The following PCDH10 variants were observed in gnomAD, a reference collection of about 807,000 sequenced individuals.
PCDH10 encodes protocadherin 10.
In PCDH10, 15 loss-of-function variants were observed where a neutral mutation model predicts 74.4. The observed-to-expected ratio is 0.20, with a 90% CI of 0.13 to 0.31. The LOEUF is 0.31. Among genes scored for constraint, PCDH10 ranks in the 10% least tolerant of loss-of-function variants. The probability of loss-of-function intolerance (pLI) is 1.00; values close to 1 mark genes in which losing one functional copy is unlikely to be tolerated. For synonymous variants in PCDH10, 619 were observed against 589.8 expected (o/e 1.05, Z -0.72); for missense variants, 1,260 against 1,390.2 (o/e 0.91, Z 1.49).
intron 3 of PCDH10, among the ~76,000 whole-genome samples, chr4:133,156,218 C>T (rs954167069): frequency 6.6e-6 from 1 of 152,232 alleles, no homozygotes. Flanking sequence ...GGCCTGGCAG[C>T]AGTGGTTGCT....
intron 2 of PCDH10, among the ~76,000 whole-genome samples, chr4:133,200,982 A>AAAG (rs57845226): frequency 0.19 from 29,007 of 152,046 alleles, 4,621 homozygotes; most frequent in African/African-American, 0.43. Context: ...CTAAAAAACT[A>AAAG]AAGACAGTTC....
Position 133,188,703 on chromosome 4 carries a change from C to T in PCDH10, c.3104-1438C>T, listed in dbSNP as rs139629493. The stretch of plus-strand genomic sequence containing the variant: ...TTTTTTTTTTTTTGAGATGGAGTTT[C>T]GCTCTTGTCTCACAGGCTGGAGTGC... On this transcript the variant is annotated intron_variant, in intron 4 of 4. Coordinates refer to ENST00000264360, the MANE Select transcript of PCDH10 (RefSeq NM_032961.3). 6.0e-3 allele frequency among the ~76,000 whole-genome samples: 559 copies of T among 92,486 alleles called. 5 individuals carry two copies. The highest frequency in any genetic ancestry group is 0.023 in the African/African-American group (529 of 23,056). 60.7% of individuals were successfully genotyped at this position (92,486 alleles called of 152,430 possible).
chr4:133,161,318 A>G (rs1726965803), intron 3 of PCDH10, among the ~76,000 whole-genome samples: 2 of 152,150 alleles, frequency 1.3e-5, no homozygotes, highest in Non-Finnish European at 2.9e-5. Context: ...ATATATGATA[A>G]GAAGCTTGGT....
At chr4:133,169,693 C>T (rs1218337619) in intron 4 of PCDH10, among the ~76,000 whole-genome samples, 2 of 151,750 alleles carry the variant, frequency 1.3e-5, no homozygotes, top group African/African-American at 4.8e-5. Flanking sequence ...CCTCATCATA[C>T]TGAAGATTTA....
chr4:133,183,081 TCA>T (rs1727449423), intron 4 of PCDH10, among the ~76,000 whole-genome samples: 2 of 152,070 alleles, frequency 1.3e-5, no homozygotes, highest in African/African-American at 2.4e-5. Flanking sequence ...TCAAATCAAT[TCA>T]AATAATAATA....
chr4:133,150,367 A>C lies in PCDH10; in HGVS notation c.227A>C (p.Asn76Thr), dbSNP rs1233112345. ...CTGGAGACAGGGGTGCTGTACGTGA[A>C]CGAGAAAATAGACCGCGAACAAATC... is the stretch of plus-strand genomic sequence containing the variant. ...LNLETGVLYV[N>T]EKIDREQICK... Residue 76 changes from asparagine to threonine, a missense_variant, in exon 1 of 5, where the codon AAC becomes ACC. Asn to Thr is a moderately conservative substitution (Grantham distance 65). This residue lies in a region of PCDH10 where 103 missense variants were observed against 91.5 expected (regional missense o/e 1.13). Transcript: ENST00000264360. The C allele has an allele frequency of 6.2e-7, 1 of 1,613,840 alleles. No individual in the cohort carries two copies. Among genetic ancestry groups the C allele is most frequent in the African/African-American group, 1.3e-5 (1 of 74,872 alleles).
intron 3 of PCDH10, among the ~76,000 whole-genome samples, chr4:133,156,784 T>G (rs1337036336): frequency 2.6e-5 from 4 of 152,160 alleles, no homozygotes; most frequent in Non-Finnish European, 5.9e-5. Flanking sequence ...TCAGACATAA[T>G]GACCCATAAT....
intron 3 of PCDH10, among the ~76,000 whole-genome samples, chr4:133,160,542 G>T (rs1473175548): frequency 6.6e-6 from 1 of 150,600 alleles, no homozygotes; most frequent in Non-Finnish European, 1.5e-5. Flanking sequence ...AAACATACTT[G>T]CCAGATAGGA....
chr4:133,151,876 C>T lies in PCDH10; in HGVS notation c.1736C>T (p.Pro579Leu), dbSNP rs918673608. The T allele has an allele frequency of 6.2e-7, 1 of 1,612,904 alleles. No individual in the cohort carries two copies. Among genetic ancestry groups the T allele is most frequent in the Admixed American group, 1.7e-5 (1 of 60,008 alleles). ...DNAPAIVAPL[P>L]GRNGTPAREV... ...GCCCCTGCCATCGTGGCGCCTCTAC[C>T]AGGGCGCAACGGGACTCCAGCGCGT... is the stretch of plus-strand genomic sequence containing the variant. Residue 579 changes from proline (P) to leucine (L), a missense_variant, in exon 1 of 5, where the codon CCA becomes CTA. Physicochemically the swap from Pro to Leu is moderately conservative, Grantham distance 98. Transcript: ENST00000264360.
chr4:133,177,723 A>T (rs1339479333), intron 4 of PCDH10, among the ~76,000 whole-genome samples: 1 of 152,160 alleles, frequency 6.6e-6, no homozygotes. Flanking sequence ...TTTTTAATCT[A>T]ATATGCTTGT....
intron 3 of PCDH10, among the ~76,000 whole-genome samples, chr4:133,161,964 G>A (rs1237224095): frequency 2.0e-5 from 3 of 152,044 alleles, no homozygotes; most frequent in Non-Finnish European, 4.4e-5. Flanking sequence ...ATATATATCA[G>A]CATTAATATC....
chr4:133,198,124 T>C (rs777634384), downstream of PCDH10, among the ~76,000 whole-genome samples: 36 of 152,242 alleles, frequency 2.4e-4, no homozygotes, highest in Non-Finnish European at 4.0e-4. Context: ...AGTATCAAAA[T>C]GCCTGGTTGG....
At chr4:133,159,747 G>T (rs1018202010) in intron 3 of PCDH10, among the ~76,000 whole-genome samples, 15 of 151,850 alleles carry the variant, frequency 9.9e-5, no homozygotes, top group Admixed American at 2.0e-4. Context: ...CCATAGTAAG[G>T]CATTTGAATG....
chr4:133,162,256 C>T (rs1265551257), intron 3 of PCDH10, among the ~76,000 whole-genome samples: 1 of 152,104 alleles, frequency 6.6e-6, no homozygotes, highest in African/African-American at 2.4e-5. Context: ...TCATTAATTA[C>T]AGTCATTTGT....
chr4:133,156,439 C>G (rs888315906), intron 3 of PCDH10, among the ~76,000 whole-genome samples: 3 of 152,264 alleles, frequency 2.0e-5, no homozygotes, highest in Non-Finnish European at 4.4e-5. Flanking sequence ...AACAGAGCAT[C>G]TATTTAGTGT....
At chr4:133,194,725 G>A (rs1727756365), downstream of PCDH10, 1 of 151,860 alleles carries the variant, frequency 6.6e-6, no homozygotes, top group South Asian at 2.1e-4. Context: ...AGTAATTTTA[G>A]TCTTAATATA....
intron 3 of PCDH10, among the ~76,000 whole-genome samples, chr4:133,162,003 C>T (rs1025145172): frequency 6.6e-6 from 1 of 152,114 alleles, no homozygotes; most frequent in African/African-American, 2.4e-5. Context: ...CTTGAAAATT[C>T]TTATGCTTTG....
Position 133,152,109 on chromosome 4 carries a change from G to C in PCDH10, c.1969G>C (p.Val657Leu). The C allele has an allele frequency of 6.3e-7, 1 of 1,577,676 alleles. No individual in the cohort carries two copies. The part of the protein sequence containing the change: ...KRDPQRPYEL[V>L]IEVRDHGQPP... ...CGACCCCCAGCGGCCTTATGAGCTG[G>C]TGATCGAGGTGCGCGACCATGGGCA... is the stretch of plus-strand genomic sequence containing the variant. The change falls in exon 1 of 5, where the codon GTG becomes CTG. Residue 657 changes from valine (V) to leucine (L), a missense_variant. Physicochemically the swap from Val to Leu is conservative, Grantham distance 32. Around this residue, in one of 11 missense-constraint regions of PCDH10, gnomAD observed 587 missense variants for 616.9 expected, o/e 0.95. Transcript: ENST00000264360.
At chr4:133,159,132 GA>G (rs963605286) in intron 3 of PCDH10, among the ~76,000 whole-genome samples, 41 of 151,902 alleles carry the variant, frequency 2.7e-4, no homozygotes, top group African/African-American at 8.0e-4. Flanking sequence ...ATCATATTTG[GA>G]AAAAAATAAA....
Sources: allele counts gnomAD v4.1 joint callset (sites outside exome capture counted in the v4.1 genomes callset), GRCh38; gene constraint gnomAD v4.1.1; regional missense constraint gnomAD v4.1.1; transcripts MANE v1.5; gene names NCBI Gene and HGNC (gene_info 2026-07-23, HGNC 2026-07-21).